Variants in CCDC57 observed in about 807,000 individuals in gnomAD.
CCDC57 encodes the protein coiled-coil domain-containing protein 57.
In CCDC57, 118 loss-of-function variants were observed where a neutral mutation model predicts 118.9. The observed-to-expected ratio is 0.99, with a 90% CI of 0.86 to 1.16. CCDC57 has a LOEUF of 1.16. Among genes scored for constraint, CCDC57 ranks in the 50% most tolerant of loss-of-function variants. The pLI, the probability that CCDC57 is intolerant of heterozygous loss-of-function variation, is 0.00. For missense variants in CCDC57, 1,300 were observed against 1,320.7 expected, an observed-to-expected ratio of 0.98 and a Z score of 0.24; for synonymous variants, 527 against 532.9, an observed-to-expected ratio of 0.99 and a Z score of 0.15.
chr17:82,145,054 G>A (rs1171749439), intron 16 of CCDC57, among the ~76,000 whole-genome samples: 4 of 128,920 alleles, frequency 3.1e-5, no homozygotes, highest in Non-Finnish European at 6.3e-5. Context: ...ACAGAGTCTC[G>A]CTCTGTCACC....
At chr17:82,135,831 G>A (rs1042610839) in intron 16 of CCDC57, among the ~76,000 whole-genome samples, 1 of 512 alleles carries the variant, frequency 2.0e-3, no homozygotes, top group Non-Finnish European at 0.025. Flanking sequence ...AGGCCGGGTG[G>A]GGGGGATCCT....
chr17:82,110,019 C>CCA (rs2035138328), intron 19 of CCDC57, among the ~76,000 whole-genome samples: 1 of 147,422 alleles, frequency 6.8e-6, no homozygotes, highest in African/African-American at 2.5e-5. Flanking sequence ...CTCACTCTGT[C>CCA]ACCCAGGCTG....
At chr17:82,196,328 G>A (rs887869437) in intron 4 of CCDC57, among the ~76,000 whole-genome samples, 20 of 152,218 alleles carry the variant, frequency 1.3e-4, no homozygotes, top group African/African-American at 4.8e-4. Context: ...AACTCCGGCT[G>A]TTCTCAAACT....
chr17:82,138,983 T>C (rs1388646038), intron 16 of CCDC57, among the ~76,000 whole-genome samples: 2 of 152,218 alleles, frequency 1.3e-5, no homozygotes. Flanking sequence ...TCACTCACTC[T>C]GGGGCTGTGT....
chr17:82,115,621 A>C (rs1442436682), intron 19 of CCDC57, among the ~76,000 whole-genome samples: 1 of 151,680 alleles, frequency 6.6e-6, no homozygotes, highest in African/African-American at 2.4e-5. Flanking sequence ...AAAAGTTTTT[A>C]AAAATTAGCT....
chr17:82,153,591 C>T (rs956523619), intron 15 of CCDC57: 13 of 152,218 alleles, frequency 8.5e-5, no homozygotes, highest in African/African-American at 2.9e-4. Context: ...AACGATTCTA[C>T]TTCTCTCGGA....
rs1283472266 is a variant in CCDC57, at chr17:82,212,391, T to C, written c.-211+394A>G. Among the ~76,000 whole-genome samples the C allele has an allele frequency of 2.0e-4, 27 of 137,944 alleles. No individual in the cohort carries two copies. The highest frequency in any genetic ancestry group is 8.0e-4 in the Admixed American group (11 of 13,674). 90.5% of individuals were successfully genotyped at this position (137,944 alleles called of 152,430 possible). On this transcript the variant is annotated intron_variant, in intron 1 of 19. Coordinates refer to ENST00000665763, the Ensembl canonical transcript of CCDC57. This position sits in a 1 kb window ranked among gnomAD's most constrained non-coding sequence, Gnocchi z 4.1. The stretch of plus-strand genomic sequence containing the variant: ...AACCACCGCCTCCGGCCTTTTTTTT[T>C]CCTCTCTTTTTTTTTTTTTTTTTTT...
chr17:82,180,944 T>G (rs906773505), intron 9 of CCDC57, among the ~76,000 whole-genome samples: 3 of 152,224 alleles, frequency 2.0e-5, no homozygotes, highest in African/African-American at 7.2e-5. Context: ...GGTGCGGGGC[T>G]GAGGCCCCTC....
At chr17:82,117,483 A>C (rs950229867) in intron 19 of CCDC57, among the ~76,000 whole-genome samples, 3 of 152,184 alleles carry the variant, frequency 2.0e-5, no homozygotes, top group African/African-American at 7.2e-5. Context: ...TACAAAATGT[A>C]AAAAATTAGC....
intron 17 of CCDC57, among the ~76,000 whole-genome samples, chr17:82,132,399 G>T (rs748823521): frequency 6.6e-6 from 1 of 152,080 alleles, no homozygotes; most frequent in Non-Finnish European, 1.5e-5. Flanking sequence ...ACGGAAAGGC[G>T]GAGGGAGTGT....
At chr17:82,135,829 TG>T (rs11309419) in intron 16 of CCDC57, among the ~76,000 whole-genome samples, 147,390 of 152,170 alleles carry the variant, frequency 0.97, 71,536 homozygotes, top group South Asian at 1. Context: ...GGAGGCCGGG[TG>T]GGGGGGATCC....
In CCDC57 at chr17:82,160,853, G is replaced by A. The variant is rs534437424; in HGVS notation, c.2040+2347C>T. 4.4e-3 allele frequency among the ~76,000 whole-genome samples: 577 copies of A among 131,342 alleles called. 4 individuals are homozygous for A. The highest frequency in any genetic ancestry group is 0.017 in the South Asian group (67 of 4,026). 86.2% of individuals were successfully genotyped at this position (131,342 alleles called of 152,430 possible). The stretch of plus-strand genomic sequence containing the variant: ...CACGCCATTGCACTCCAGCCTGGGC[G>A]ACACAGCAAGACTCTGTCTCAAAAA... On this transcript the variant is annotated intron_variant, in intron 14 of 19. Coordinates refer to ENST00000665763, the Ensembl canonical transcript of CCDC57.
At chr17:82,148,363 G>A (rs1307201168) in intron 16 of CCDC57, among the ~76,000 whole-genome samples, 2 of 492 alleles carry the variant, frequency 4.1e-3, no homozygotes, top group Non-Finnish European at 7.8e-3. Context: ...GTGGATGGAT[G>A]GGTGGATGGG....
intron 19 of CCDC57, among the ~76,000 whole-genome samples, chr17:82,121,918 C>G (rs1349428944): frequency 6.6e-6 from 1 of 152,188 alleles, no homozygotes; most frequent in Non-Finnish European, 1.5e-5. Flanking sequence ...AGCATCTTAA[C>G]TGATCCACAC....
At position 82,118,365 on chromosome 17, in the gene CCDC57, T is replaced by G. The variant is rs1358481331; in HGVS notation, c.2899+9327A>C. On this transcript the variant is annotated intron_variant, in intron 19 of 19. Coordinates refer to ENST00000665763, the Ensembl canonical transcript of CCDC57. The surrounding 1 kb of genome is among the most constrained non-coding windows in gnomAD (Gnocchi z 4.7). ...TGAAACCCGATGTGGGTGTTATCCA[T>G]TAGCGCAGGACTGAAACCTGATGTG... 6.6e-6 allele frequency among the ~76,000 whole-genome samples: 1 copy of G among 152,118 alleles called. No homozygotes were observed. Among genetic ancestry groups the G allele is most frequent in the African/African-American group, 2.4e-5 (1 of 41,398 alleles).
intron 19 of CCDC57, among the ~76,000 whole-genome samples, chr17:82,111,773 AT>A (rs950078380): frequency 1.3e-4 from 19 of 150,914 alleles, no homozygotes; most frequent in African/African-American, 4.6e-4. Context: ...TGCCCAGCTA[AT>A]TTTTGTATTT....
chr17:82,161,322 T>C (rs2043302431), intron 14 of CCDC57, among the ~76,000 whole-genome samples: 1 of 151,972 alleles, frequency 6.6e-6, no homozygotes. Context: ...ACAGAGTTAA[T>C]GTCTGGGGAA....
chr17:82,197,608 G>A (rs1186056266), intron 4 of CCDC57, among the ~76,000 whole-genome samples: 1 of 152,028 alleles, frequency 6.6e-6, no homozygotes, highest in Non-Finnish European at 1.5e-5. Context: ...CATTTCTGAG[G>A]TGTGCTGGTT....
chr17:82,199,270 G>A (rs2048691805), intron 3 of CCDC57, among the ~76,000 whole-genome samples: 1 of 151,842 alleles, frequency 6.6e-6, no homozygotes, highest in Non-Finnish European at 1.5e-5. Context: ...CCGGGGTCAG[G>A]AGTCCAAGAC....
Sources: allele counts gnomAD v4.1 joint callset (sites outside exome capture counted in the v4.1 genomes callset), GRCh38; gene constraint gnomAD v4.1.1; non-coding constraint Gnocchi (gnomAD v3.1); transcripts MANE v1.5; gene names NCBI Gene and HGNC (gene_info 2026-07-23, HGNC 2026-07-21).